The following STRN3 variants were observed in gnomAD, a reference collection of about 807,000 sequenced individuals.
The protein encoded by STRN3 is striatin 3.
A neutral mutation model predicts 95.6 loss-of-function variants in STRN3; 29 were observed. The observed-to-expected ratio is 0.30, with a 90% CI of 0.23 to 0.41. The LOEUF is 0.41. Ranked by LOEUF, STRN3 falls within the 10% of genes least tolerant of loss-of-function variation. STRN3 has a pLI of 1.00. For missense variants in STRN3, 890 were observed against 972.1 expected, an observed-to-expected ratio of 0.92 and a Z score of 1.12; for synonymous variants, 331 against 357.6, an observed-to-expected ratio of 0.93 and a Z score of 0.84.
chr14:30,984,605 T>A (rs1425303083), intron 1 of STRN3, among the ~76,000 whole-genome samples: 1 of 151,776 alleles, frequency 6.6e-6, no homozygotes, highest in Non-Finnish European at 1.5e-5. Context: ...GGATGAAACC[T>A]CGTATCCACC....
intron 5 of STRN3, among the ~76,000 whole-genome samples, chr14:30,945,202 A>T (rs1224089872): frequency 2.0e-5 from 3 of 152,198 alleles, no homozygotes; most frequent in Non-Finnish European, 4.4e-5. Flanking sequence ...GAATCCTTTT[A>T]GTACTGCTGG....
intron 8 of STRN3, 130 bp downstream of exon 8, chr14:30,929,071 C>T: frequency 1.6e-6 from 1 of 625,722 alleles, no homozygotes; most frequent in Non-Finnish European, 2.7e-6. Flanking sequence ...AATTATACAA[C>T]AGACAAAGTT....
chr14:30,920,581 T>C (rs1239730311), intron 8 of STRN3, among the ~76,000 whole-genome samples: 2 of 152,196 alleles, frequency 1.3e-5, no homozygotes, highest in Non-Finnish European at 2.9e-5. Context: ...TGTAAAATTA[T>C]AAAACGGTGG....
At position 30,895,329 on chromosome 14, in the gene STRN3, TATC is replaced by T. The variant is rs1268452409; in HGVS notation, c.*79_*81del. ...ACCAGGCAGATCACATGTAGTGTCATATCAGTAACCTTTCTGATGGCAGTGATG... is the reference window on the plus strand; with the variant it reads ...ACCAGGCAGATCACATGTAGTGTCATAGTAACCTTTCTGATGGCAGTGATG... On this transcript the variant is annotated 3_prime_UTR_variant, in exon 18 of 18. Transcript: ENST00000357479. 7.2e-7 allele frequency: 1 copy of T among 1,393,712 alleles called. No homozygotes were observed. The highest frequency in any genetic ancestry group is 9.6e-7 in the Non-Finnish European group (1 of 1,043,040). The allele number at this position is 1,393,712 out of a possible 1,614,324, so 86.3% of individuals were successfully genotyped here.
chr14:30,917,426 C>T lies in STRN3; in HGVS notation c.1240+1540G>A, dbSNP rs572900785. On this transcript the variant is annotated intron_variant, in intron 9 of 17. Transcript: ENST00000357479. ...AAAAGGGTCCACATTGCTAACGTGG[C>T]TTTGCCTTAAATTGCAAAACCTGCA... Among the ~76,000 whole-genome samples the T allele has an allele frequency of 3.9e-5, 6 of 152,154 alleles. No homozygotes were observed. The East Asian group carries it at 1.2e-3, about 29-fold the overall frequency.
At chr14:31,005,890 G>T (rs567965812) in intron 1 of STRN3, among the ~76,000 whole-genome samples, 9 of 152,126 alleles carry the variant, frequency 5.9e-5, no homozygotes, top group Non-Finnish European at 1.3e-4. Context: ...GGCCAAAGCG[G>T]GTGGATCACT....
At chr14:31,014,816 A>T in intron 1 of STRN3, 1 of 413,636 alleles carries the variant, frequency 2.4e-6, no homozygotes, top group Non-Finnish European at 4.7e-6. Flanking sequence ...ACCACTTTAA[A>T]AAAAAAAAAA....
At chr14:30,899,744 C>T (rs1896253433) in intron 16 of STRN3, among the ~76,000 whole-genome samples, 1 of 151,928 alleles carries the variant, frequency 6.6e-6, no homozygotes, top group African/African-American at 2.4e-5. Context: ...TGCACATACC[C>T]CCCCCACCCC....
At chr14:31,008,646 G>T (rs1882828375) in intron 1 of STRN3, among the ~76,000 whole-genome samples, 1 of 152,184 alleles carries the variant, frequency 6.6e-6, no homozygotes, top group South Asian at 2.1e-4. Context: ...AGTTGAAAGT[G>T]GTTGCTTCTG....
intron 1 of STRN3, among the ~76,000 whole-genome samples, chr14:31,005,507 C>T (rs1000558862): frequency 7.2e-5 from 11 of 152,126 alleles, no homozygotes; most frequent in Non-Finnish European, 1.0e-4. Flanking sequence ...CAAAAGGAAC[C>T]GCAATTTCTT....
chr14:30,915,874 T>C (rs555058765), intron 9 of STRN3, among the ~76,000 whole-genome samples: 1 of 152,352 alleles, frequency 6.6e-6, no homozygotes, highest in South Asian at 2.1e-4. Flanking sequence ...AAGGGAAGTG[T>C]CTGGACATTA....
chr14:30,930,907 A>C (rs1878501860), intron 7 of STRN3, among the ~76,000 whole-genome samples: 2 of 152,160 alleles, frequency 1.3e-5, no homozygotes, highest in South Asian at 2.1e-4. Flanking sequence ...ATTATGAGCA[A>C]ATATTTTTAA....
intron 7 of STRN3, among the ~76,000 whole-genome samples, chr14:30,930,473 A>C (rs1175961584): frequency 2.0e-5 from 3 of 152,152 alleles, no homozygotes; most frequent in African/African-American, 7.2e-5. Context: ...CGGAAATGCA[A>C]ATATTTACTG....
intron 1 of STRN3, among the ~76,000 whole-genome samples, chr14:30,968,078 T>C (rs1031714630): frequency 3.3e-5 from 5 of 152,192 alleles, no homozygotes; most frequent in Admixed American, 2.0e-4. Flanking sequence ...GAACCATCTA[T>C]ACCAATTCTA....
intron 5 of STRN3, among the ~76,000 whole-genome samples, chr14:30,942,282 A>G (rs1879131720): frequency 6.6e-6 from 1 of 152,254 alleles, no homozygotes. Context: ...AAAATTTCTG[A>G]AAGGCACACA....
Position 30,987,125 on chromosome 14 carries a change from T to C in STRN3, c.283-30883A>G, listed in dbSNP as rs565183419. ...TACTAGTACAGGCTGTACACTGTGA[T>C]AGACTCTGAGGATATAAAGAACAGT... On this transcript the variant is annotated intron_variant, in intron 1 of 17. Transcript: ENST00000357479. Among the ~76,000 whole-genome samples the C allele has an allele frequency of 7.2e-5, 11 of 152,266 alleles. No homozygotes were observed. The East Asian group carries it at 1.2e-3, about 16-fold the overall frequency.
rs146055238 is a variant in STRN3, at chr14:30,935,717, A to G, written c.847-413T>C. Among the ~76,000 whole-genome samples the G allele has an allele frequency of 2.9e-3, 437 of 152,326 alleles. 3 individuals are homozygous for G. Among genetic ancestry groups the G allele is most frequent in the African/African-American group, 1.0e-2 (415 of 41,580 alleles). On this transcript the variant is annotated intron_variant, in intron 6 of 17. Transcript: ENST00000357479. ...ACTAATTTAAATTCATAGCTGTGAT[A>G]ATTATAATAGTGCTTTACCTTCCAG...
Position 31,026,059 on chromosome 14 carries a change from G to A in STRN3, c.127C>T (p.Pro43Ser). The part of the protein sequence containing the change: ...GGNGAAGGGG[P>S]PASEGAGPAA... ...GGACCCGCTCCCTCGGAGGCCGGAGGACCCCCGCCGCCCGCCGCTCCGTTC... is the reference window on the plus strand; with the variant it reads ...GGACCCGCTCCCTCGGAGGCCGGAGAACCCCCGCCGCCCGCCGCTCCGTTC... Residue 43 changes from proline to serine, a missense_variant, in exon 1 of 18, where the codon CCT becomes TCT. Pro to Ser is a moderately conservative substitution (Grantham distance 74). Transcript: ENST00000357479. 2.6e-6 allele frequency: 4 copies of A among 1,515,506 alleles called. No homozygotes were observed. The highest frequency in any genetic ancestry group is 3.5e-6 in the Non-Finnish European group (4 of 1,133,692). 93.9% of individuals were successfully genotyped at this position (1,515,506 alleles called of 1,614,324 possible).
rs992584228 is a variant in STRN3, at chr14:30,983,404, G to A, written c.283-27162C>T. On this transcript the variant is annotated intron_variant, in intron 1 of 17. Coordinates refer to ENST00000357479, the MANE Select transcript of STRN3 (RefSeq NM_001083893.2). ...CTAAAAATACAAAAAAATTAGCCGCGTGTGGTGGCGTATGCCTGTAATCCC... is the reference window on the plus strand; with the variant it reads ...CTAAAAATACAAAAAAATTAGCCGCATGTGGTGGCGTATGCCTGTAATCCC... 3.9e-5 allele frequency among the ~76,000 whole-genome samples: 6 copies of A among 152,290 alleles called. No homozygotes were observed. In the South Asian group the frequency reaches 1.0e-3, roughly 26 times the overall value.
Sources: gnomAD v4.1 joint callset for allele counts (sites outside exome capture counted in the v4.1 genomes callset) on GRCh38, gnomAD v4.1.1 for gene constraint, MANE v1.5 for transcripts, NCBI Gene and HGNC (gene_info 2026-07-23, HGNC 2026-07-21) for gene names.